The following EFR3B variants were observed in gnomAD, a reference collection of about 807,000 sequenced individuals.
EFR3B encodes protein EFR3 homolog B.
EFR3B carries 64 observed loss-of-function variants against 104.7 expected under a neutral mutation model. That is an observed-to-expected ratio of 0.61 (90% confidence interval 0.50 to 0.75). EFR3B has a LOEUF of 0.75. Ranked by LOEUF, EFR3B falls within the 30% of genes least tolerant of loss-of-function variation. The probability of loss-of-function intolerance (pLI) is 0.00; values close to 1 mark genes in which losing one functional copy is unlikely to be tolerated. For missense variants in EFR3B, 750 were observed against 1,078.5 expected, an observed-to-expected ratio of 0.70 and a Z score of 4.27; for synonymous variants, 385 against 417.9, an observed-to-expected ratio of 0.92 and a Z score of 0.96.
At chr2:25,082,380 T>C (rs1668833558) in intron 1 of EFR3B, among the ~76,000 whole-genome samples, 1 of 152,154 alleles carries the variant, frequency 6.6e-6, no homozygotes, top group Non-Finnish European at 1.5e-5. Context: ...TGATGCCCAG[T>C]ATGTCTGCCT....
chr2:25,116,232 G>A (rs1172470105), intron 4 of EFR3B: 2 of 152,206 alleles, frequency 1.3e-5, no homozygotes, highest in African/African-American at 4.8e-5. Flanking sequence ...AATATGCCTT[G>A]AGTTCACACA....
chr2:25,137,405 A>T lies in EFR3B; in HGVS notation c.1625A>T (p.His542Leu). The T allele has an allele frequency of 6.4e-7, 1 of 1,551,942 alleles. No homozygotes were observed. The highest frequency in any genetic ancestry group is 8.7e-7 in the Non-Finnish European group (1 of 1,147,068). ...SCKEETNVQK[H>L]YEALYGLLAL... ...AAGGAGGAAACAAACGTGCAGAAAC[A>T]CTACGAGGCGCTCTATGGCTTGCTG... The change falls in exon 15 of 23, where the codon CAC becomes CTC. Residue 542 changes from histidine (H) to leucine (L), a missense_variant. Transcript: ENST00000403714. This position sits in a 1 kb window ranked among gnomAD's most constrained non-coding sequence, Gnocchi z 4.7.
chr2:25,136,530 A>C lies in EFR3B; in HGVS notation c.1492A>C (p.Ser498Arg). 1 of 1,551,528 alleles carries C rather than the reference A, an allele frequency of 6.4e-7. No homozygotes were observed. The highest frequency in any genetic ancestry group is 8.7e-7 in the Non-Finnish European group (1 of 1,146,914). The change falls in exon 14 of 23, where the codon AGT (serine) becomes CGT (arginine). Residue 498 changes from serine to arginine, a missense_variant. Ser to Arg is a moderately radical substitution (Grantham distance 110). Transcript: ENST00000403714. The surrounding 1 kb of genome is among the most constrained non-coding windows in gnomAD (Gnocchi z 4.0). ...RHKFSTISTL[S>R]DISVLKLKVD... ...CTTTGCATCCCTTCCCAGTACCCTC[A>C]GTGACATCTCTGTCCTGAAGCTGAA...
At chr2:25,142,235 A>G (rs1400233896) in intron 17 of EFR3B, among the ~76,000 whole-genome samples, 8 of 151,836 alleles carry the variant, frequency 5.3e-5, no homozygotes, top group African/African-American at 1.5e-4. Flanking sequence ...TTGAGGTCAG[A>G]AGTTCGAGAC....
rs1403508507 is a variant in EFR3B at position 25,157,033 on chromosome 2, C to T, written c.*2693C>T. The T allele has an allele frequency of 6.6e-6, 1 of 152,246 alleles. No individual in the cohort carries two copies. The highest frequency in any genetic ancestry group is 2.4e-5 in the African/African-American group (1 of 41,436). The allele number at this position is 152,246 out of a possible 1,614,324, so 9.4% of individuals were successfully genotyped here. A position where few individuals can be genotyped will look rare whatever the true frequency, so the allele number is the denominator to read the frequency against. On this transcript the variant is annotated 3_prime_UTR_variant, in exon 23 of 23. Coordinates refer to ENST00000403714, the MANE Select transcript of EFR3B (RefSeq NM_014971.2). The stretch of plus-strand genomic sequence containing the variant: ...ATCTTTCCAGAGCCAGCATTAGAAC[C>T]TGAGATCCCCAGATGTTTCTGCCCC...
At chr2:25,050,481 A>T (rs991763759) in intron 1 of EFR3B, among the ~76,000 whole-genome samples, 1 of 152,200 alleles carries the variant, frequency 6.6e-6, no homozygotes, top group Non-Finnish European at 1.5e-5. Flanking sequence ...ATTGAAACTT[A>T]AAAAAATTTT....
intron 1 of EFR3B, among the ~76,000 whole-genome samples, chr2:25,049,619 G>A (rs1297853237): frequency 1.3e-5 from 2 of 152,190 alleles, no homozygotes; most frequent in Non-Finnish European, 2.9e-5. Context: ...AGACCAGTGC[G>A]AGGTGGAGTC....
chr2:25,075,679 C>T (rs1228487881), intron 1 of EFR3B, among the ~76,000 whole-genome samples: 1 of 152,114 alleles, frequency 6.6e-6, no homozygotes, highest in Non-Finnish European at 1.5e-5. Context: ...AGGCAGAGAC[C>T]TCAGTTCTTT....
intron 3 of EFR3B, among the ~76,000 whole-genome samples, chr2:25,097,560 C>A (rs1669314712): frequency 6.6e-6 from 1 of 152,164 alleles, no homozygotes; most frequent in African/African-American, 2.4e-5. Flanking sequence ...ATTGTCACCC[C>A]ATTTCAGTTG....
chr2:25,055,140 A>G (rs139606636), intron 1 of EFR3B, among the ~76,000 whole-genome samples: 164 of 152,294 alleles, frequency 1.1e-3, no homozygotes, highest in African/African-American at 3.8e-3. Flanking sequence ...AACTTACCCA[A>G]TGTCATGCAG....
intron 1 of EFR3B, among the ~76,000 whole-genome samples, chr2:25,070,582 A>T (rs1668466409): frequency 6.6e-6 from 1 of 152,204 alleles, no homozygotes; most frequent in African/African-American, 2.4e-5. Flanking sequence ...TGATTTTAAA[A>T]TTCAAATCTG....
In EFR3B at chr2:25,132,898, T is replaced by G; in HGVS notation, c.1148-5T>G. On this transcript the variant is annotated splice_region_variant and splice_polypyrimidine_tract_variant and intron_variant, in intron 10 of 22. Coordinates refer to ENST00000403714, the MANE Select transcript of EFR3B (RefSeq NM_014971.2). Reference sequence around the variant, plus strand: ...ACTGGGCACCCTCTCCGCCACCTCCTGCAGGCTCCTTTGCCAGCACGCTGC... The same window carrying G: ...ACTGGGCACCCTCTCCGCCACCTCCGGCAGGCTCCTTTGCCAGCACGCTGC... The G allele has an allele frequency of 6.5e-7, 1 of 1,550,206 alleles. No homozygotes were observed. The highest frequency in any genetic ancestry group is 8.7e-7 in the Non-Finnish European group (1 of 1,146,798).
intron 1 of EFR3B, among the ~76,000 whole-genome samples, chr2:25,078,456 A>AT (rs1668695796): frequency 1.3e-5 from 2 of 152,204 alleles, no homozygotes; most frequent in South Asian, 4.1e-4. Flanking sequence ...GCAAAAAGGC[A>AT]TTTTTCTTGG....
At chr2:25,069,789 CG>C (rs1668442968) in intron 1 of EFR3B, among the ~76,000 whole-genome samples, 1 of 152,166 alleles carries the variant, frequency 6.6e-6, no homozygotes, top group African/African-American at 2.4e-5. Flanking sequence ...CTCTGCCTCC[CG>C]GGTTCAGGAC....
chr2:25,116,646 G>T (rs202221807), intron 4 of EFR3B, among the ~76,000 whole-genome samples: 430 of 146,698 alleles, frequency 2.9e-3, no homozygotes, highest in Non-Finnish European at 3.5e-3. Flanking sequence ...TTTTTTTTTT[G>T]AAGATTCGAA....
At chr2:25,119,506 G>A (rs567346886) in intron 4 of EFR3B, among the ~76,000 whole-genome samples, 11 of 152,356 alleles carry the variant, frequency 7.2e-5, no homozygotes, top group East Asian at 1.9e-4. Context: ...GCCGAAGGCC[G>A]ACTTCAGCCT....
At chr2:25,132,855 C>T (rs1288466009) in intron 10 of EFR3B, 48 bp from the exon 11 acceptor site, 2 of 1,471,024 alleles carry the variant, frequency 1.4e-6, no homozygotes, top group African/African-American at 2.8e-5. Flanking sequence ...CCAGGAGGGG[C>T]CCTGGAGCCT....
intron 22 of EFR3B, 110 bp downstream of exon 22, chr2:25,153,871 C>T: frequency 1.1e-5 from 12 of 1,134,202 alleles, no homozygotes; most frequent in Non-Finnish European, 1.6e-5. Context: ...CCACCTCCTT[C>T]TACCACTGTA....
chr2:25,054,834 C>A (rs1667975701), intron 1 of EFR3B, among the ~76,000 whole-genome samples: 1 of 152,218 alleles, frequency 6.6e-6, no homozygotes, highest in South Asian at 2.1e-4. Flanking sequence ...ATGAACTGAT[C>A]ACCGTGAACA....
Sources: gnomAD v4.1 joint callset for allele counts (sites outside exome capture counted in the v4.1 genomes callset) on GRCh38, gnomAD v4.1.1 for gene constraint, Gnocchi (gnomAD v3.1) non-coding constraint, MANE v1.5 for transcripts, NCBI Gene and HGNC (gene_info 2026-07-23, HGNC 2026-07-21) for gene names.